The following MXRA5 variants were observed in gnomAD, a reference collection of about 807,000 sequenced individuals.
MXRA5 encodes matrix-remodeling-associated protein 5.
MXRA5 carries 41 observed loss-of-function variants against 112.5 expected under a neutral mutation model. That is an observed-to-expected ratio of 0.36 (90% CI 0.28 to 0.47). The LOEUF is 0.47. Among genes scored for constraint, MXRA5 ranks in the 20% least tolerant of loss-of-function variants. The pLI is 0.99. For missense variants in MXRA5, 2,150 were observed against 2,251.0 expected (o/e 0.96, Z 0.91); for synonymous variants, 862 against 900.8 (o/e 0.96, Z 0.77).
Position 3,320,388 on chromosome X carries a change from G to A in MXRA5, c.5297C>T (p.Pro1766Leu). 8 of 1,211,767 alleles carry A rather than the reference G, an allele frequency of 6.6e-6. No homozygotes were observed. Among genetic ancestry groups the A allele is most frequent in the Non-Finnish European group, 8.9e-6 (8 of 895,432 alleles). ...APVMRERKVIPGSYNRIHSHS... is the reference protein window; with the variant it reads ...APVMRERKVILGSYNRIHSHS... ...GGAATGTATCCTGTTGTAGGAACCT[G>A]GAATAACTTTTCTCTCTCTCATTAC... The change falls in exon 5 of 7, where the codon CCA (proline) becomes CTA (leucine). Residue 1766 changes from proline to leucine, a missense_variant. Physicochemically the swap from Pro to Leu is moderately conservative, Grantham distance 98. Coordinates refer to ENST00000217939, the MANE Select transcript of MXRA5 (RefSeq NM_015419.4).
rs1472306448 is a variant in MXRA5 at position 3,311,170 on chromosome X, G to A, written c.7033C>T (p.Pro2345Ser). ...TAAGTCTTGTTCCGGATGGTGGCGG[G>A]CGCTGTCACCACCTTGACTCTGACT... ...MRVRVKVVTA[P>S]ATIRNKTYLA... The change falls in exon 7 of 7, where the codon CCC becomes TCC. Residue 2345 changes from proline (P) to serine (S), a missense_variant. By Grantham distance (74) the Pro-to-Ser change is moderately conservative (BLOSUM62 -1). This residue lies in a region of MXRA5 where 1,485 missense variants were observed against 1,471.6 expected (regional missense o/e 1.01). Coordinates refer to ENST00000217939, the MANE Select transcript of MXRA5 (RefSeq NM_015419.4). The A allele has an allele frequency of 2.5e-6, 3 of 1,211,493 alleles. No homozygotes were observed. The highest frequency in any genetic ancestry group is 4.3e-5 in the Admixed American group (2 of 46,019).
rs1347876782 is a variant in MXRA5, at chrX:3,323,793, A to G, written c.1892T>C (p.Leu631Ser). ...TGGGATGGAAAGAGTTCCATTTGGC[A>G]ACATGTATACATGTGATGTGTTAGC... ...DLANTSHVYM[L>S]PNGTLSIPKV... Residue 631 changes from leucine (L) to serine (S), a missense_variant, in exon 5 of 7, where the codon TTG (leucine) becomes TCG (serine). Coordinates refer to ENST00000217939, the MANE Select transcript of MXRA5 (RefSeq NM_015419.4). 1.3e-5 allele frequency: 16 copies of G among 1,211,730 alleles called. No homozygotes were observed. The highest frequency in any genetic ancestry group is 1.8e-5 in the Non-Finnish European group (16 of 895,431).
Position 3,323,809 on chromosome X carries a change from A to C in MXRA5, c.1876T>G (p.Ser626Ala), listed in dbSNP as rs1921382939. The C allele has an allele frequency of 8.3e-7, 1 of 1,209,632 alleles. No individual in the cohort carries two copies. The highest frequency in any genetic ancestry group is 1.7e-5 in the African/African-American group (1 of 57,151). Residue 626 changes from serine to alanine, a missense_variant, in exon 5 of 7, where the codon TCA becomes GCA. Physicochemically the swap from Ser to Ala is moderately conservative, Grantham distance 99 (BLOSUM62 1). Around this residue, in one of 6 missense-constraint regions of MXRA5, gnomAD observed 1,485 missense variants for 1,471.6 expected, o/e 1.01. Transcript: ENST00000217939. Reference sequence around the variant, plus strand: ...CCATTTGGCAACATGTATACATGTGATGTGTTAGCCAAATCATTAATTATC... The same window carrying C: ...CCATTTGGCAACATGTATACATGTGCTGTGTTAGCCAAATCATTAATTATC... ...RRIINDLANT[S>A]HVYMLPNGTL...
rs748320635 is a variant in MXRA5, at chrX:3,330,310, G to A, written c.417C>T (p.Ile139=). 36 of 1,208,941 alleles carry A rather than the reference G, an allele frequency of 3.0e-5. No homozygotes were observed. The South Asian group carries it at 6.4e-4, about 21-fold the overall frequency. ...TGAAAGCTTGAGGGTGGATAAACTC[G>A]ATCTTGTTGTGGTCAATGTGCAGCC... The part of the protein sequence containing the change: ...LMRLHIDHNK[I]EFIHPQAFNG... Residue 139 remains isoleucine, a synonymous_variant, in exon 4 of 7, where the codon ATC becomes ATT. Transcript: ENST00000217939.
intron 5 of MXRA5, 75 bp downstream of exon 5, chrX:3,319,933 T>C: frequency 2.5e-6 from 2 of 791,769 alleles, no homozygotes; most frequent in Non-Finnish European, 3.6e-6. Context: ...ATATACTGTT[T>C]TAATGTATTA....
In MXRA5 at chrX:3,310,494, G is replaced by A. The variant is rs1235027298; in HGVS notation, c.7709C>T (p.Pro2570Leu). 8 of 1,201,426 alleles carry A rather than the reference G, an allele frequency of 6.7e-6. No homozygotes were observed. Among genetic ancestry groups the A allele is most frequent in the African/African-American group, 3.6e-5 (2 of 56,068 alleles). ...ISLNCSAAGT[P>L]TPSLVWVLPN... Reference sequence around the variant, plus strand: ...AAGGACCCACACCAGGCTGGGTGTCGGGGTCCCCGCGGCAGAGCAGTTGAG... The same window carrying A: ...AAGGACCCACACCAGGCTGGGTGTCAGGGTCCCCGCGGCAGAGCAGTTGAG... Residue 2570 changes from proline to leucine, a missense_variant, in exon 7 of 7, where the codon CCG (proline) becomes CTG (leucine). This residue lies in a region of MXRA5 where 93 missense variants were observed against 135.5 expected (regional missense o/e 0.69). Transcript: ENST00000217939.
chrX:3,326,326 A>C (rs1180915846), intron 4 of MXRA5, among the ~76,000 whole-genome samples: 2 of 97,052 alleles, frequency 2.1e-5, no homozygotes, highest in African/African-American at 7.4e-5. Context: ...TATATAATCA[A>C]TATGTATCTA....
chrX:3,313,384 C>T (rs776924355), intron 6 of MXRA5, among the ~76,000 whole-genome samples: 1 of 112,213 alleles, frequency 8.9e-6, no homozygotes, highest in Non-Finnish European at 1.9e-5. Flanking sequence ...CTCAGCCTTC[C>T]GAGTAGCTGG....
At chrX:3,325,911 A>G (rs1459627641) in intron 4 of MXRA5, among the ~76,000 whole-genome samples, 4 of 17,090 alleles carry the variant, frequency 2.3e-4, no homozygotes, top group Non-Finnish European at 6.8e-4. Context: ...TATAATTTTA[A>G]ATCATAAATT....
At chrX:3,340,976 TAG>T (rs1921903489) in intron 2 of MXRA5, among the ~76,000 whole-genome samples, 1 of 81,628 alleles carries the variant, frequency 1.2e-5, no homozygotes, top group Non-Finnish European at 2.3e-5. Context: ...TTATGTATAA[TAG>T]ATATATATTA....
At chrX:3,315,400 G>A (rs1921085430) in intron 6 of MXRA5, among the ~76,000 whole-genome samples, 4 of 36,168 alleles carry the variant, frequency 1.1e-4, no homozygotes, top group African/African-American at 3.8e-4. Flanking sequence ...ATGATAGATA[G>A]ATAGATAGAT....
Position 3,310,497 on chromosome X carries a change from G to C in MXRA5, c.7706C>G (p.Thr2569Ser). ...GACCCACACCAGGCTGGGTGTCGGG[G>C]TCCCCGCGGCAGAGCAGTTGAGGCT... ...TISLNCSAAG[T>S]PTPSLVWVLP... The change falls in exon 7 of 7, where the codon ACC (threonine) becomes AGC (serine). Residue 2569 changes from threonine (T) to serine (S), a missense_variant. Thr to Ser is a moderately conservative substitution (Grantham distance 58, BLOSUM62 1). This residue lies in a region of MXRA5 where 93 missense variants were observed against 135.5 expected (regional missense o/e 0.69). Coordinates refer to ENST00000217939, the MANE Select transcript of MXRA5 (RefSeq NM_015419.4). 1 of 1,204,004 alleles carries C rather than the reference G, an allele frequency of 8.3e-7. No individual in the cohort carries two copies. The highest frequency in any genetic ancestry group is 1.1e-6 in the Non-Finnish European group (1 of 892,242).
Position 3,310,341 on chromosome X carries a change from G to A in MXRA5, c.7862C>T (p.Ala2621Val), listed in dbSNP as rs199982099. 32,027 of 1,163,453 alleles carry A rather than the reference G, an allele frequency of 0.028. 953 individuals are homozygous for A. The highest frequency in any genetic ancestry group is 0.044 in the African/African-American group (2,424 of 55,395). ...GACCAGCCTCTCCGTGTGGCCAGCG[G>A]CATTGCGGGCCACGCAGCGGTAGGC... ...AGAYRCVARN[A>V]AGHTERLVSL... The change falls in exon 7 of 7, where the codon GCC becomes GTC. Residue 2621 changes from alanine to valine, a missense_variant. Ala to Val is a moderately conservative substitution (Grantham distance 64). Around this residue, in one of 6 missense-constraint regions of MXRA5, gnomAD observed 178 missense variants for 198.2 expected, o/e 0.90. Coordinates refer to ENST00000217939, the MANE Select transcript of MXRA5 (RefSeq NM_015419.4).
At position 3,310,538 on chromosome X, in the gene MXRA5, C is replaced by G. The variant is rs1920976644; in HGVS notation, c.7665G>C (p.Met2555Ile). The G allele has an allele frequency of 8.4e-7, 1 of 1,193,374 alleles. No homozygotes were observed. The highest frequency in any genetic ancestry group is 3.0e-5 in the East Asian group (1 of 32,809). ...AGTTGAGGCTGATGGTGTGGCCCGCCATGGCCGTGATCTTCTCGCTGATCG... is the reference window on the plus strand; with the variant it reads ...AGTTGAGGCTGATGGTGTGGCCCGCGATGGCCGTGATCTTCTCGCTGATCG... ...HDPISEKITA[M>I]AGHTISLNCS... Residue 2555 changes from methionine (M) to isoleucine (I), a missense_variant, in exon 7 of 7, where the codon ATG (methionine) becomes ATC (isoleucine). By Grantham distance (10) the Met-to-Ile change is conservative (BLOSUM62 1). Coordinates refer to ENST00000217939, the MANE Select transcript of MXRA5 (RefSeq NM_015419.4).
intron 2 of MXRA5, among the ~76,000 whole-genome samples, chrX:3,332,085 A>G (rs763846223): frequency 2.7e-5 from 3 of 112,216 alleles, no homozygotes; most frequent in Non-Finnish European, 5.6e-5. Flanking sequence ...CAAAGTCAAC[A>G]GAAACACCAG....
At chrX:3,337,154 A>G (rs1215530584) in intron 2 of MXRA5, among the ~76,000 whole-genome samples, 2 of 112,286 alleles carry the variant, frequency 1.8e-5, no homozygotes, top group Non-Finnish European at 3.8e-5. Context: ...AGTAGGGCTT[A>G]AGAAACAAAG....
rs755475509 is a variant in MXRA5, at chrX:3,310,429, G to A, written c.7774C>T (p.Arg2592Cys). 6.7e-6 allele frequency: 8 copies of A among 1,194,907 alleles called. No homozygotes were observed. The highest frequency in any genetic ancestry group is 7.9e-6 in the Non-Finnish European group (7 of 887,261). The change falls in exon 7 of 7, where the codon CGC becomes TGC. Residue 2592 changes from arginine (R) to cysteine (C), a missense_variant. Physicochemically the swap from Arg to Cys is radical, Grantham distance 180. Around this residue, in one of 6 missense-constraint regions of MXRA5, gnomAD observed 4 missense variants for 16.9 expected, o/e 0.24. Coordinates refer to ENST00000217939, the MANE Select transcript of MXRA5 (RefSeq NM_015419.4). ...TDLQSGQQLQRFYHKADGMLH... is the reference protein window; with the variant it reads ...TDLQSGQQLQCFYHKADGMLH... ...ATGCCGTCAGCCTTGTGGTAGAAGC[G>A]CTGCAGCTGCTGTCCACTCTGCAGA...
rs774843982 is a variant in MXRA5 at position 3,317,166 on chromosome X, C to T, written c.6515G>A (p.Gly2172Glu). The change falls in exon 6 of 7, where the codon GGG becomes GAG. Residue 2172 changes from glycine to glutamate, a missense_variant. Gly to Glu is a moderately conservative substitution (Grantham distance 98). Coordinates refer to ENST00000217939, the MANE Select transcript of MXRA5 (RefSeq NM_015419.4). ...GTLKLDCSAS[G>E]DPWPRILWRL... is the part of the protein sequence containing the mutation. ...CCAGAGGATGCGCGGCCAGGGGTCC[C>T]CCGAGGCGCTGCAGTCCAGCTTGAG... The T allele has an allele frequency of 1.7e-6, 2 of 1,204,005 alleles. No homozygotes were observed. The highest frequency in any genetic ancestry group is 2.2e-6 in the Non-Finnish European group (2 of 892,277).
intron 2 of MXRA5, among the ~76,000 whole-genome samples, chrX:3,336,730 T>A (rs1366897674): frequency 1.8e-5 from 2 of 112,614 alleles, no homozygotes; most frequent in Non-Finnish European, 3.7e-5. Context: ...AAAAACTTTG[T>A]ACAGATCAGC....
Sources: allele counts gnomAD v4.1 joint callset (sites outside exome capture counted in the v4.1 genomes callset), GRCh38; gene constraint gnomAD v4.1.1; regional missense constraint gnomAD v4.1.1; transcripts MANE v1.5; gene names NCBI Gene and HGNC (gene_info 2026-07-23, HGNC 2026-07-21).